The following MYH2 variants were observed in gnomAD, a reference collection of about 807,000 sequenced individuals.
MYH2 encodes the protein myosin heavy chain 2, also known as myosin-2.
A neutral mutation model predicts 228.1 loss-of-function variants in MYH2; 139 were observed. That is an observed-to-expected ratio of 0.61 (90% confidence interval 0.53 to 0.70). MYH2 has a LOEUF of 0.70. Among genes scored for constraint, MYH2 ranks in the 30% least tolerant of loss-of-function variants. The pLI is 0.00. For synonymous variants in MYH2, 796 were observed against 871.1 expected (o/e 0.91, Z 1.52); for missense variants, 1,809 against 2,357.5 (o/e 0.77, Z 4.82).
intron 21 of MYH2, among the ~76,000 whole-genome samples, chr17:10,532,552 T>A (rs1490642370): frequency 6.6e-6 from 1 of 152,180 alleles, no homozygotes; most frequent in Non-Finnish European, 1.5e-5. Context: ...TTTAATAAAA[T>A]GGAATATAGT....
chr17:10,530,992 A>G (rs1005196855), intron 22 of MYH2, among the ~76,000 whole-genome samples: 1 of 152,222 alleles, frequency 6.6e-6, no homozygotes, highest in Non-Finnish European at 1.5e-5. Context: ...AAGTTGATGG[A>G]AGCAGTTCTA....
Position 10,521,304 on chromosome 17 carries a change from G to C in MYH2, c.5802C>G (p.His1934Gln). 6.2e-7 allele frequency: 1 copy of C among 1,613,968 alleles called. No individual in the cohort carries two copies. The highest frequency in any genetic ancestry group is 8.5e-7 in the Non-Finnish European group (1 of 1,180,012). Residue 1934 changes from histidine to glutamine, a missense_variant, in exon 40 of 40, where the codon CAC becomes CAG. His to Gln is a conservative substitution (Grantham distance 24, BLOSUM62 0). Transcript: ENST00000245503. The part of the protein sequence containing the change: ...NKLRVKSREV[H>Q]TKVISEE Reference sequence around the variant, plus strand: ...ATCACTCTTCACTTATGACTTTTGTGTGAACCTCCCGGCTCTTCACCCGCA... The same window carrying C: ...ATCACTCTTCACTTATGACTTTTGTCTGAACCTCCCGGCTCTTCACCCGCA...
rs543797699 is a variant in MYH2, at chr17:10,540,162, G to C, written c.1009-96C>G. On this transcript the variant is annotated intron_variant, in intron 11 of 39. Transcript: ENST00000245503. ...CATTGCTGGCCTGAGGAAACTACCA[G>C]TGCTAATGGGAGACAAGGAACCCCT... 3,112 of 1,533,254 alleles carry C rather than the reference G, an allele frequency of 2.0e-3. 9 individuals are homozygous for C. The highest frequency in any genetic ancestry group is 2.9e-3 in the Admixed American group (172 of 59,824). The allele number at this position is 1,533,254 out of a possible 1,614,324, so 95.0% of individuals were successfully genotyped here. A position where few individuals can be genotyped will look rare whatever the true frequency, so the allele number is the denominator to read the frequency against.
intron 4 of MYH2, among the ~76,000 whole-genome samples, chr17:10,546,510 C>T (rs1266396815): frequency 2.6e-5 from 4 of 151,686 alleles, no homozygotes; most frequent in African/African-American, 7.3e-5. Context: ...CAGACCTTTA[C>T]CAGACAGTAT....
In MYH2 at chr17:10,525,804, G is replaced by T; in HGVS notation, c.4260C>A (p.Leu1420=). The change falls in exon 31 of 40, where the codon CTC becomes CTA. Residue 1420 remains leucine, a synonymous_variant. Coordinates refer to ENST00000245503, the MANE Select transcript of MYH2 (RefSeq NM_017534.6). This position sits in a 1 kb window ranked among gnomAD's most constrained non-coding sequence, Gnocchi z 4.2. ...VEAVNAKCAS[L]EKTKQRLQNE... is the part of the protein sequence containing the mutation. ...TCTGCAGCCGCTGCTTCGTCTTTTC[G>T]AGGGAAGCACATTTGGCGTTCACAG... is the stretch of plus-strand genomic sequence containing the variant. The T allele has an allele frequency of 6.2e-7, 1 of 1,614,150 alleles. No homozygotes were observed. Among genetic ancestry groups the T allele is most frequent in the Non-Finnish European group, 8.5e-7 (1 of 1,180,026 alleles).
In MYH2 at chr17:10,521,236, C is replaced by G. The variant is rs375775105; in HGVS notation, c.*44G>C. On this transcript the variant is annotated 3_prime_UTR_variant, in exon 40 of 40. Coordinates refer to ENST00000245503, the MANE Select transcript of MYH2 (RefSeq NM_017534.6). ...CAGAGGGAAATGACCAAAGATGTCACATTTTGTGCCTGTCTTCAGTCATTC... is the reference window on the plus strand; with the variant it reads ...CAGAGGGAAATGACCAAAGATGTCAGATTTTGTGCCTGTCTTCAGTCATTC... 6.2e-7 allele frequency: 1 copy of G among 1,606,930 alleles called. No homozygotes were observed. Among genetic ancestry groups the G allele is most frequent in the East Asian group, 2.2e-5 (1 of 44,816 alleles).
rs542232543 is a variant in MYH2, at chr17:10,537,024, T to A, written c.1897+209A>T. Among the ~76,000 whole-genome samples the A allele has an allele frequency of 6.6e-6, 1 of 152,294 alleles. No individual in the cohort carries two copies. Among genetic ancestry groups the A allele is most frequent in the African/African-American group, 2.4e-5 (1 of 41,556 alleles). On this transcript the variant is annotated intron_variant, in intron 16 of 39. Coordinates refer to ENST00000245503, the MANE Select transcript of MYH2 (RefSeq NM_017534.6). The surrounding 1 kb of genome is among the most constrained non-coding windows in gnomAD (Gnocchi z 4.0). Reference sequence around the variant, plus strand: ...TGAGGCTTTTCATTGGTTGAGAGCCTGATAATCCTCTCTGACTCTGCAATA... The same window carrying A: ...TGAGGCTTTTCATTGGTTGAGAGCCAGATAATCCTCTCTGACTCTGCAATA...
In MYH2 at chr17:10,533,425, T is replaced by G. The variant is rs543377427; in HGVS notation, c.2305-4A>C. 3 of 1,613,996 alleles carry G rather than the reference T, an allele frequency of 1.9e-6. No homozygotes were observed. Among genetic ancestry groups the G allele is most frequent in the Non-Finnish European group, 2.5e-6 (3 of 1,180,020 alleles). On this transcript the variant is annotated splice_region_variant and splice_polypyrimidine_tract_variant and intron_variant, in intron 20 of 39. Coordinates refer to ENST00000245503, the MANE Select transcript of MYH2 (RefSeq NM_017534.6). ...GAAGACCAGCTTTGAAAAAGACCTGTGAATGGAAAGAGTTGCAAATCACAA... is the reference window on the plus strand; with the variant it reads ...GAAGACCAGCTTTGAAAAAGACCTGGGAATGGAAAGAGTTGCAAATCACAA...
rs1254093722 is a variant in MYH2 at position 10,535,261 on chromosome 17, A to G, written c.2062+17T>C. 1 of 1,613,934 alleles carries G rather than the reference A, an allele frequency of 6.2e-7. No individual in the cohort carries two copies. The highest frequency in any genetic ancestry group is 1.6e-4 in the Middle Eastern group (1 of 6,062). ...TGTGGCAGTCATCCTTTGCACTTTCATTATGGAATTTCTTACCAGGAGTTT... is the reference window on the plus strand; with the variant it reads ...TGTGGCAGTCATCCTTTGCACTTTCGTTATGGAATTTCTTACCAGGAGTTT... On this transcript the variant is annotated intron_variant, in intron 18 of 39. Transcript: ENST00000245503.
chr17:10,530,094 C>G lies in MYH2; in HGVS notation c.2698-20G>C. 1 of 1,614,170 alleles carries G rather than the reference C, an allele frequency of 6.2e-7. No homozygotes were observed. Among genetic ancestry groups the G allele is most frequent in the Non-Finnish European group, 8.5e-7 (1 of 1,180,022 alleles). ...GGCTTCCTTAAGTTGGAAACAAGAT[C>G]AAAATTGGGAAGAAAGAATGAAATA... On this transcript the variant is annotated intron_variant, in intron 22 of 39. Transcript: ENST00000245503.
rs886052567 is a variant in MYH2 at position 10,533,395 on chromosome 17, C to A, written c.2331G>T (p.Gly777=). 1.4e-5 allele frequency: 23 copies of A among 1,614,060 alleles called. No homozygotes were observed. In the East Asian group the frequency reaches 2.5e-4, roughly 17 times the overall value. The change falls in exon 21 of 40, where the codon GGG becomes GGT. Residue 777 remains glycine, a synonymous_variant. Coordinates refer to ENST00000245503, the MANE Select transcript of MYH2 (RefSeq NM_017534.6). ...TGTCATCTCGCATCTCCTCTAGGAG[C>A]CCCAGAAGACCAGCTTTGAAAAAGA... The part of the protein sequence containing the change: ...TKVFFKAGLL[G]LLEEMRDDKL...
chr17:10,537,258 G>T lies in MYH2; in HGVS notation c.1872C>A (p.Phe624Leu). ...KSAMKTLAQL[F>L]SGAQTAEGEG... ...CTCCTTCAGCAGTTTGAGCCCCAGA[G>T]AAGAGCTGAGCTAGAGTTTTCATTG... The change falls in exon 16 of 40, where the codon TTC (phenylalanine) becomes TTA (leucine). Residue 624 changes from phenylalanine (F) to leucine (L), a missense_variant. By Grantham distance (22) the Phe-to-Leu change is conservative. Transcript: ENST00000245503. The surrounding 1 kb of genome is among the most constrained non-coding windows in gnomAD (Gnocchi z 4.0). 6.2e-7 allele frequency: 1 copy of T among 1,614,250 alleles called. No homozygotes were observed.
Position 10,543,742 on chromosome 17 carries a change from T to C in MYH2, c.710A>G (p.Lys237Arg). 6.2e-7 allele frequency: 1 copy of C among 1,614,240 alleles called. No individual in the cohort carries two copies. The highest frequency in any genetic ancestry group is 8.5e-7 in the Non-Finnish European group (1 of 1,180,030). Reference sequence around the variant, plus strand: ...AGAGGAGTTGTCATTCCTCACGGTCTTGGCGTTGCCAAAGGCCTCCAGTAG... The same window carrying C: ...AGAGGAGTTGTCATTCCTCACGGTCCTGGCGTTGCCAAAGGCCTCCAGTAG... ...NPLLEAFGNA[K>R]TVRNDNSSRF... The change falls in exon 8 of 40, where the codon AAG becomes AGG. Residue 237 changes from lysine (K) to arginine (R), a missense_variant. This residue lies in a region of MYH2 where 373 missense variants were observed against 620.4 expected (regional missense o/e 0.60). Transcript: ENST00000245503.
Position 10,543,137 on chromosome 17 carries a change from C to G in MYH2, c.766G>C (p.Gly256Arg). The change falls in exon 9 of 40, where the codon GGC (glycine) becomes CGC (arginine). Residue 256 changes from glycine (G) to arginine (R), a missense_variant. This residue lies in a region of MYH2 where 373 missense variants were observed against 620.4 expected (regional missense o/e 0.60). Coordinates refer to ENST00000245503, the MANE Select transcript of MYH2 (RefSeq NM_017534.6). ...RFGKFIRIHF[G>R]TTGKLASADI... ...GCAGATGCCAGTTTTCCAGTAGTGC[C>G]AAAGTGGATTCTGATGAATTTACCC... 6.2e-7 allele frequency: 1 copy of G among 1,611,542 alleles called. No homozygotes were observed. Among genetic ancestry groups the G allele is most frequent in the Non-Finnish European group, 8.5e-7 (1 of 1,178,372 alleles).
Position 10,524,429 on chromosome 17 carries a change from A to T in MYH2, c.5175+37T>A. 1 of 1,613,692 alleles carries T rather than the reference A, an allele frequency of 6.2e-7. No homozygotes were observed. On this transcript the variant is annotated intron_variant, in intron 35 of 39. Coordinates refer to ENST00000245503, the MANE Select transcript of MYH2 (RefSeq NM_017534.6). The surrounding 1 kb of genome is among the most constrained non-coding windows in gnomAD (Gnocchi z 4.7). Reference sequence around the variant, plus strand: ...AGGCTTATCTATTCTGGGACATATAAAATTTACTAAGGAGAGTTCTTTGTG... The same window carrying T: ...AGGCTTATCTATTCTGGGACATATATAATTTACTAAGGAGAGTTCTTTGTG...
Position 10,540,055 on chromosome 17 carries a change from A to G in MYH2, c.1020T>C (p.Asp340=), listed in dbSNP as rs770597562. ...TTTCTTCATTAGTAAAGCCCAAAAT[A>G]TCAATAGCACTCTGTCAATATAACC... ...EELMATDSAI[D]ILGFTNEEKV... is the part of the protein sequence containing the mutation. Residue 340 remains aspartate (D), a synonymous_variant, in exon 12 of 40, where the codon GAT becomes GAC. Transcript: ENST00000245503. The G allele has an allele frequency of 3.7e-6, 6 of 1,613,940 alleles. No individual in the cohort carries two copies. The highest frequency in any genetic ancestry group is 1.3e-5 in the African/African-American group (1 of 74,896).
chr17:10,532,032 G>T, intron 21 of MYH2, 144 bp from the exon 22 acceptor site: 1 of 1,060,670 alleles, frequency 9.4e-7, no homozygotes, highest in Admixed American at 1.8e-5. Context: ...TCGGGATGAT[G>T]GTCAAGGTCT....
At chr17:10,534,438 A>G (rs1362316118) in intron 19 of MYH2, among the ~76,000 whole-genome samples, 2 of 152,242 alleles carry the variant, frequency 1.3e-5, no homozygotes, top group Non-Finnish European at 2.9e-5. Context: ...TGAAGTCTTA[A>G]TAGTACCTAC....
chr17:10,535,298 G>A lies in MYH2; in HGVS notation c.2042C>T (p.Pro681Leu). Residue 681 changes from proline (P) to leucine (L), a missense_variant, in exon 18 of 40, where the codon CCC (proline) becomes CTC (leucine). Transcript: ENST00000245503. Reference protein sequence around the residue: ...THPHFVRCIIPNETKTPGAME... With the variant: ...THPHFVRCIILNETKTPGAME... Reference sequence around the variant, plus strand: ...CTTACCAGGAGTTTTTGTCTCATTGGGGATGATACACCTCACAAAGTGAGG... The same window carrying A: ...CTTACCAGGAGTTTTTGTCTCATTGAGGATGATACACCTCACAAAGTGAGG... 1.2e-6 allele frequency: 2 copies of A among 1,614,118 alleles called. No individual in the cohort carries two copies. The highest frequency in any genetic ancestry group is 2.2e-5 in the East Asian group (1 of 44,870).
Sources: gnomAD v4.1 joint callset for allele counts (sites outside exome capture counted in the v4.1 genomes callset) on GRCh38, gnomAD v4.1.1 for gene constraint, gnomAD v4.1.1 regional missense constraint, Gnocchi (gnomAD v3.1) non-coding constraint, MANE v1.5 for transcripts, NCBI Gene and HGNC (gene_info 2026-07-23, HGNC 2026-07-21) for gene names.